Variants in MCM10 observed in about 807,000 individuals in gnomAD.
MCM10 encodes protein MCM10 homolog.
Under a neutral mutation model 109.9 loss-of-function variants are expected in MCM10, and 91 were observed. The observed-to-expected ratio is 0.83, with a 90% CI of 0.70 to 0.99. The LOEUF is 0.99. Among genes scored for constraint, MCM10 ranks in the 50% least tolerant of loss-of-function variants. The pLI, the probability that MCM10 is intolerant of heterozygous loss-of-function variation, is 0.00. For synonymous variants in MCM10, 380 were observed against 387.2 expected (o/e 0.98, Z 0.22); for missense variants, 1,077 against 1,061.2 (o/e 1.01, Z -0.21).
In MCM10 at chr10:13,198,683, C is replaced by T. The variant is rs768860658; in HGVS notation, c.2120-6C>T. ...TCGCTGCTAATGTTTGTTCCTTGTG[C>T]CCTAGCTGAGGATGAATTGGAGCCT... On this transcript the variant is annotated splice_polypyrimidine_tract_variant and splice_region_variant and intron_variant, in intron 15 of 19. Transcript: ENST00000378714. The T allele has an allele frequency of 3.2e-6, 5 of 1,583,436 alleles. No homozygotes were observed. The highest frequency in any genetic ancestry group is 4.3e-6 in the Non-Finnish European group (5 of 1,152,426).
chr10:13,188,890 G>T lies in MCM10; in HGVS notation c.1225G>T (p.Glu409Ter). The change falls in exon 10 of 20, where the codon GAG becomes TAG. Residue 409 changes from glutamate to a stop codon, truncating the protein, a stop_gained. Transcript: ENST00000378714. LOFTEE classifies it high-confidence loss of function. ...CTQTVNLRDC[E>*]YCQYHVQAQY... ...GCTCTGCCTTTTGCAGCGTGACTGT[G>T]AGTACTGTCAGTACCATGTCCAGGC... The T allele has an allele frequency of 6.2e-7, 1 of 1,614,052 alleles. No individual in the cohort carries two copies. Among genetic ancestry groups the T allele is most frequent in the South Asian group, 1.1e-5 (1 of 91,064 alleles).
In MCM10 at chr10:13,182,959, GA is replaced by G; in HGVS notation, c.959del (p.Asn320MetfsTer6). The G allele has an allele frequency of 6.2e-7, 1 of 1,613,894 alleles. No individual in the cohort carries two copies. The highest frequency in any genetic ancestry group is 8.5e-7 in the Non-Finnish European group (1 of 1,179,920). On this transcript the variant is annotated frameshift_variant, in exon 8 of 20. Transcript: ENST00000378714. LOFTEE classifies it high-confidence loss of function. This position sits in a 1 kb window ranked among gnomAD's most constrained non-coding sequence, Gnocchi z 4.2. ...GAAAAACCTTCAGCATATGGAAACT[GA>G]ATGATCTTCGTGACCTGACACAATG... Reference protein sequence around the residue: ...SGKTFSIWKLNDLRDLTQCVS... With the variant: ...SGKTFSIWKLXDLRDLTQCVS...
Position 13,210,086 on chromosome 10 carries a change from C to T in MCM10, c.*776C>T, listed in dbSNP as rs1343953128. The T allele has an allele frequency of 1.3e-5, 2 of 151,664 alleles. No homozygotes were observed. 9.4% of individuals were successfully genotyped at this position (151,664 alleles called of 1,614,324 possible). A position where few individuals can be genotyped will look rare whatever the true frequency, so the allele number is the denominator to read the frequency against. On this transcript the variant is annotated 3_prime_UTR_variant, in exon 20 of 20. Transcript: ENST00000378714. ...TTTTATTTTTTATGACAGGGTCTCA[C>T]TATGTCACCCTGGCTGGAGTGCAGT...
At chr10:13,180,208 G>T (rs970770063) in intron 6 of MCM10, among the ~76,000 whole-genome samples, 1 of 151,500 alleles carries the variant, frequency 6.6e-6, no homozygotes, top group Non-Finnish European at 1.5e-5. Context: ...CCAAAATTGC[G>T]CCACTGCACT....
intron 9 of MCM10, among the ~76,000 whole-genome samples, chr10:13,188,034 A>G (rs998343880): frequency 6.6e-6 from 1 of 152,150 alleles, no homozygotes; most frequent in Non-Finnish European, 1.5e-5. Context: ...AATCCCAGCT[A>G]CTTGGGAGGC....
intron 1 of MCM10, among the ~76,000 whole-genome samples, chr10:13,163,773 C>G (rs7069408): frequency 0.78 from 118,570 of 152,048 alleles, 46,374 homozygotes; most frequent in Middle Eastern, 0.92. Context: ...TCAAGTGATG[C>G]GCCCACCTTA....
chr10:13,198,865 T>G (rs943753477), intron 16 of MCM10, 58 bp downstream of exon 16: 12 of 1,118,760 alleles, frequency 1.1e-5, no homozygotes, highest in Admixed American at 1.7e-5. Context: ...AAAGCCAAGG[T>G]GCTAGCTGTA....
At position 13,184,829 on chromosome 10, in the gene MCM10, T is replaced by A. The variant is rs942412; in HGVS notation, c.1099-1335T>A. On this transcript the variant is annotated intron_variant, in intron 8 of 19. Transcript: ENST00000378714. ...TTGAAACTCTAGCCATCACTGTGAA[T>A]TGGCATACCGTGGAAGGGTGCCAGT... 2.0e-5 allele frequency among the ~76,000 whole-genome samples: 3 copies of A among 152,200 alleles called. No homozygotes were observed. In the East Asian group the frequency reaches 5.8e-4, roughly 29 times the overall value.
chr10:13,197,535 C>T (rs1443854009), intron 14 of MCM10, 88 bp from the exon 15 acceptor site: 2 of 1,219,676 alleles, frequency 1.6e-6, no homozygotes, highest in African/African-American at 1.5e-5. Flanking sequence ...CCAGAATTCA[C>T]TGGTTACTAA....
chr10:13,204,860 T>C (rs1264747120), intron 18 of MCM10, among the ~76,000 whole-genome samples: 2 of 152,056 alleles, frequency 1.3e-5, no homozygotes. Context: ...TATTTGCATA[T>C]AACATGCACA....
chr10:13,187,217 A>G (rs895396405), intron 9 of MCM10, among the ~76,000 whole-genome samples: 9 of 152,152 alleles, frequency 5.9e-5, no homozygotes, highest in Non-Finnish European at 1.2e-4. Context: ...ATTTCATATA[A>G]TGGAATCACA....
chr10:13,167,637 G>A (rs1834018886), intron 2 of MCM10, among the ~76,000 whole-genome samples: 1 of 152,150 alleles, frequency 6.6e-6, no homozygotes, highest in Non-Finnish European at 1.5e-5. Context: ...ACAGTGCCAT[G>A]AGGGGTTCTT....
rs12258532 is a variant in MCM10, at chr10:13,166,688, A to C, written c.7+2479A>C. 8.8e-5 allele frequency among the ~76,000 whole-genome samples: 12 copies of C among 135,934 alleles called. No homozygotes were observed. The East Asian group carries it at 2.0e-3, about 23-fold the overall frequency. The allele number at this position is 135,934 out of a possible 152,430, so 89.2% of individuals were successfully genotyped here. ...TATATATATATATATATATATATAT[A>C]TCATCAGCTAAGAGTAAAGAGTGGG... On this transcript the variant is annotated intron_variant, in intron 2 of 19. Transcript: ENST00000378714.
chr10:13,209,443 T>C lies in MCM10; in HGVS notation c.*133T>C. 1 of 706,874 alleles carries C rather than the reference T, an allele frequency of 1.4e-6. No homozygotes were observed. Among genetic ancestry groups the C allele is most frequent in the Non-Finnish European group, 2.4e-6 (1 of 416,176 alleles). The allele number at this position is 706,874 out of a possible 1,614,324, so 43.8% of individuals were successfully genotyped here. On this transcript the variant is annotated 3_prime_UTR_variant, in exon 20 of 20. Transcript: ENST00000378714. ...CAAATGCTTGTTAAGCCCATAAGCT[T>C]TGCCTGCTTACTTTCTGCCATTGGG...
intron 10 of MCM10, 59 bp downstream of exon 10, chr10:13,189,139 A>G: frequency 1.3e-6 from 2 of 1,547,396 alleles, no homozygotes; most frequent in South Asian, 2.2e-5. Flanking sequence ...GACTAAACCT[A>G]CTGGTTGTAC....
rs144644094 is a variant in MCM10, at chr10:13,196,404, T to A, written c.1974+1135T>A. 2.0e-3 allele frequency among the ~76,000 whole-genome samples: 310 copies of A among 152,294 alleles called. 2 individuals are homozygous for A. Among genetic ancestry groups the A allele is most frequent in the African/African-American group, 6.9e-3 (287 of 41,562 alleles). ...CAAAGCTTGCTGTATGCCAAAACCT[T>A]ACCTATAATAATAACAACAGGAATA... On this transcript the variant is annotated intron_variant, in intron 14 of 19. Coordinates refer to ENST00000378714, the MANE Select transcript of MCM10 (RefSeq NM_018518.5).
Position 13,172,433 on chromosome 10 carries a change from C to A in MCM10, c.407C>A (p.Thr136Lys). Residue 136 changes from threonine (T) to lysine (K), a missense_variant, in exon 4 of 20, where the codon ACA becomes AAA. Transcript: ENST00000378714. The surrounding 1 kb of genome is among the most constrained non-coding windows in gnomAD (Gnocchi z 5.2). ...GCCTTACAAGAGCAGCTAAAAGTAA[C>A]AACAATTAAACAGACAGCAAGCCCA... ...MKALQEQLKV[T>K]TIKQTASPAR... The A allele has an allele frequency of 6.2e-7, 1 of 1,614,090 alleles. No individual in the cohort carries two copies. Among genetic ancestry groups the A allele is most frequent in the Non-Finnish European group, 8.5e-7 (1 of 1,180,014 alleles).
intron 2 of MCM10, among the ~76,000 whole-genome samples, chr10:13,170,203 A>G (rs537198622): frequency 6.6e-6 from 1 of 152,348 alleles, no homozygotes; most frequent in Admixed American, 6.5e-5. Flanking sequence ...AGTGATTACA[A>G]TGGGAAGTGG....
intron 1 of MCM10, 79 bp from the exon 2 acceptor site, chr10:13,164,049 G>T (rs746566149): frequency 5.7e-6 from 3 of 530,798 alleles, no homozygotes; most frequent in Non-Finnish European, 9.6e-6. Flanking sequence ...GGAGTGGTAG[G>T]ATTCTGGGTT....
Sources: gnomAD v4.1 joint callset for allele counts (sites outside exome capture counted in the v4.1 genomes callset) on GRCh38, gnomAD v4.1.1 for gene constraint, Gnocchi (gnomAD v3.1) non-coding constraint, MANE v1.5 for transcripts, NCBI Gene and HGNC (gene_info 2026-07-23, HGNC 2026-07-21) for gene names.